Variants in ONECUT3 observed in about 807,000 individuals in gnomAD.
The protein encoded by ONECUT3 is one cut domain family member 3.
Under a neutral mutation model 16.8 loss-of-function variants are expected in ONECUT3, and 11 were observed. The observed-to-expected ratio is 0.66, with a 90% CI of 0.41 to 1.09. The LOEUF (loss-of-function observed/expected upper bound fraction) is 1.09. Among genes scored for constraint, ONECUT3 ranks in the 50% least tolerant of loss-of-function variants. The pLI is 0.00. For synonymous variants in ONECUT3, 344 were observed against 310.7 expected (o/e 1.11, Z -1.13); for missense variants, 637 against 629.9 (o/e 1.01, Z -0.12).
At position 1,775,282 on chromosome 19, in the gene ONECUT3, A is replaced by G. The variant is rs1385409518; in HGVS notation, c.1322A>G (p.Lys441Arg). 1 of 1,604,524 alleles carries G rather than the reference A, an allele frequency of 6.2e-7. No homozygotes were observed. The highest frequency in any genetic ancestry group is 8.5e-7 in the Non-Finnish European group (1 of 1,175,356). ...TTCAAGGAGAACAAGCGGCCGTCCA[A>G]GGAGATGCAGGTCACCATCTCGCAG... ...AIFKENKRPSKEMQVTISQQL... is the reference protein window; with the variant it reads ...AIFKENKRPSREMQVTISQQL... Residue 441 changes from lysine to arginine, a missense_variant, in exon 2 of 2, where the codon AAG becomes AGG. This residue lies in a region of ONECUT3 where 183 missense variants were observed against 188.3 expected (regional missense o/e 0.97). Coordinates refer to ENST00000382349, the MANE Select transcript of ONECUT3 (RefSeq NM_001080488.2).
At chr19:1,769,213 A>G (rs1275219007) in intron 1 of ONECUT3, among the ~76,000 whole-genome samples, 1 of 119,388 alleles carries the variant, frequency 8.4e-6, no homozygotes. Context: ...TGGTGAAGGA[A>G]GAGGTGATGA....
intron 1 of ONECUT3, among the ~76,000 whole-genome samples, chr19:1,757,142 G>A (rs963841436): frequency 1.4e-5 from 2 of 147,862 alleles, no homozygotes; most frequent in Non-Finnish European, 3.0e-5. Flanking sequence ...TGGGGGGGGG[G>A]TGGGCTCCCC....
At position 1,768,877 on chromosome 19, in the gene ONECUT3, AGAGGTGGAGGTGGTG is replaced by A. The variant is rs1209630135; in HGVS notation, c.1193-6239_1193-6225del. 2.0e-3 allele frequency among the ~76,000 whole-genome samples: 198 copies of A among 100,314 alleles called. 2 individuals carry two copies. Among genetic ancestry groups the A allele is most frequent in the East Asian group, 2.8e-3 (7 of 2,518 alleles). The allele number at this position is 100,314 out of a possible 152,430, so 65.8% of individuals were successfully genotyped here. On this transcript the variant is annotated intron_variant, in intron 1 of 1. Transcript: ENST00000382349. ...AGACGATGGAGGAGGTGGCGGAGGT[AGAGGTGGAGGTGGTG>A]GAGGTGGAGGTGGTGGAGGTGGAGG... is the stretch of plus-strand genomic sequence containing the variant.
chr19:1,754,457 A>G lies in ONECUT3; in HGVS notation c.795A>G (p.Gly265=). Reference sequence around the variant, plus strand: ...ACGCACTGGCCCGCGGGCTGCCCGGAGGCGGCGGCGGCACAGGCAGCGGCG... The same window carrying G: ...ACGCACTGGCCCGCGGGCTGCCCGGGGGCGGCGGCGGCACAGGCAGCGGCG... ...AEDALARGLP[G]GGGGTGSGGA... The change falls in exon 1 of 2, where the codon GGA becomes GGG. Residue 265 remains glycine (G), a synonymous_variant. Coordinates refer to ENST00000382349, the MANE Select transcript of ONECUT3 (RefSeq NM_001080488.2). This position sits in a 1 kb window ranked among gnomAD's most constrained non-coding sequence, Gnocchi z 7.4. The G allele has an allele frequency of 1.0e-6, 1 of 986,294 alleles. No homozygotes were observed. Among genetic ancestry groups the G allele is most frequent in the Non-Finnish European group, 1.2e-6 (1 of 832,526 alleles). The allele number at this position is 986,294 out of a possible 1,614,324, so 61.1% of individuals were successfully genotyped here. A position where few individuals can be genotyped will look rare whatever the true frequency, so the allele number is the denominator to read the frequency against.
rs1691189828 is a variant in ONECUT3 at position 1,759,485 on chromosome 19, A to C, written c.1192+4631A>C. 1.3e-5 allele frequency among the ~76,000 whole-genome samples: 2 copies of C among 150,858 alleles called. No individual in the cohort carries two copies. Among genetic ancestry groups the C allele is most frequent in the Admixed American group, 1.3e-4 (2 of 15,168 alleles). ...AAGGGGAGGGATGAGCAGGGAGAGG[A>C]GGAGGAGGAGGAGAGGGAAGGGAGG... On this transcript the variant is annotated intron_variant, in intron 1 of 1. Transcript: ENST00000382349. The surrounding 1 kb of genome is among the most constrained non-coding windows in gnomAD (Gnocchi z 4.1).
At chr19:1,763,219 C>T (rs140760089) in intron 1 of ONECUT3, among the ~76,000 whole-genome samples, 4,405 of 151,756 alleles carry the variant, frequency 0.029, 217 homozygotes, top group African/African-American at 0.1. Context: ...CAAAAATTAG[C>T]CGGGCGTGGT....
rs561768747 is a variant in ONECUT3 at position 1,762,254 on chromosome 19, A to ACCCTCCTG, written c.1192+7424_1192+7431dup. Among the ~76,000 whole-genome samples, 66 of 151,780 alleles carry ACCCTCCTG rather than the reference A, an allele frequency of 4.3e-4. No individual in the cohort carries two copies. Among genetic ancestry groups the ACCCTCCTG allele is most frequent in the African/African-American group, 9.7e-4 (40 of 41,388 alleles). ...CCCAGCTGCGCCCGCCAGCCCTCCA[A>ACCCTCCTG]CCCTCCTGCCCTCCTGCCCTCCTGC... On this transcript the variant is annotated intron_variant, in intron 1 of 1. Coordinates refer to ENST00000382349, the MANE Select transcript of ONECUT3 (RefSeq NM_001080488.2). This position sits in a 1 kb window ranked among gnomAD's most constrained non-coding sequence, Gnocchi z 4.4.
At chr19:1,770,131 G>T (rs1467749561) in intron 1 of ONECUT3, among the ~76,000 whole-genome samples, 2 of 152,182 alleles carry the variant, frequency 1.3e-5, no homozygotes, top group African/African-American at 4.8e-5. Flanking sequence ...TGTGATTCAT[G>T]CCTGTAACCC....
chr19:1,765,682 C>T (rs1475456400), intron 1 of ONECUT3, among the ~76,000 whole-genome samples: 2 of 152,190 alleles, frequency 1.3e-5, no homozygotes, highest in Non-Finnish European at 1.5e-5. Context: ...CTCGGGACTG[C>T]GGCCCGGTGG....
rs752937572 is a variant in ONECUT3, at chr19:1,754,219, G to A, written c.557G>A (p.Gly186Glu). ...CTCGCCTCCGTGGGCCACCTCTACGGACCCTACGGCAAGGAGCTGCCCGCC... is the reference window on the plus strand; with the variant it reads ...CTCGCCTCCGTGGGCCACCTCTACGAACCCTACGGCAAGGAGCTGCCCGCC... Reference protein sequence around the residue: ...AALASVGHLYGPYGKELPAMG... With the variant: ...AALASVGHLYEPYGKELPAMG... The change falls in exon 1 of 2, where the codon GGA (glycine) becomes GAA (glutamate). Residue 186 changes from glycine to glutamate, a missense_variant. By Grantham distance (98) the Gly-to-Glu change is moderately conservative (BLOSUM62 -2). Around this residue, in one of 3 missense-constraint regions of ONECUT3, gnomAD observed 419 missense variants for 377.9 expected, o/e 1.11. Transcript: ENST00000382349. The surrounding 1 kb of genome is among the most constrained non-coding windows in gnomAD (Gnocchi z 7.4). The A allele has an allele frequency of 1.1e-5, 12 of 1,135,700 alleles. No homozygotes were observed. The South Asian group carries it at 2.5e-4, about 24-fold the overall frequency. The allele number at this position is 1,135,700 out of a possible 1,614,324, so 70.4% of individuals were successfully genotyped here.
chr19:1,760,148 A>C (rs1452290257), intron 1 of ONECUT3, among the ~76,000 whole-genome samples: 1 of 152,216 alleles, frequency 6.6e-6, no homozygotes, highest in Non-Finnish European at 1.5e-5. Flanking sequence ...CCCACCCTAC[A>C]GACCAGCAAG....
Position 1,754,446 on chromosome 19 carries a change from G to C in ONECUT3, c.784G>C (p.Gly262Arg). 2.0e-6 allele frequency: 2 copies of C among 994,498 alleles called. No individual in the cohort carries two copies. The highest frequency in any genetic ancestry group is 2.4e-6 in the Non-Finnish European group (2 of 838,144). The allele number at this position is 994,498 out of a possible 1,614,324, so 61.6% of individuals were successfully genotyped here. A position where few individuals can be genotyped will look rare whatever the true frequency, so the allele number is the denominator to read the frequency against. ...ACGCGCGGAGGACGCACTGGCCCGC[G>C]GGCTGCCCGGAGGCGGCGGCGGCAC... ...LGRAEDALARGLPGGGGGTGS... is the reference protein window; with the variant it reads ...LGRAEDALARRLPGGGGGTGS... Residue 262 changes from glycine to arginine, a missense_variant, in exon 1 of 2, where the codon GGG becomes CGG. Transcript: ENST00000382349. The surrounding 1 kb of genome is among the most constrained non-coding windows in gnomAD (Gnocchi z 7.4).
In ONECUT3 at chr19:1,778,866, TCACACACACACACACACACACA is replaced by T. The variant is rs60843841; in HGVS notation, c.*3447_*3468del. ...TGGATCCTTTTCAGATATCTTCGTA[TCACACACACACACACACACACA>T]CACACACACACACACACACACACAC... On this transcript the variant is annotated 3_prime_UTR_variant, in exon 2 of 2. Coordinates refer to ENST00000382349, the MANE Select transcript of ONECUT3 (RefSeq NM_001080488.2). 4.5e-5 allele frequency: 6 copies of T among 132,458 alleles called. No individual in the cohort carries two copies. The highest frequency in any genetic ancestry group is 9.5e-5 in the Non-Finnish European group (6 of 63,348). 8.2% of individuals were successfully genotyped at this position (132,458 alleles called of 1,614,324 possible).
intron 1 of ONECUT3, among the ~76,000 whole-genome samples, chr19:1,768,727 A>G (rs549938867): frequency 6.6e-6 from 1 of 152,108 alleles, no homozygotes; most frequent in South Asian, 2.1e-4. Flanking sequence ...TGATGAGGAT[A>G]ATGAAGGAAA....
At chr19:1,771,286 T>C (rs541016098) in intron 1 of ONECUT3, among the ~76,000 whole-genome samples, 127 of 152,236 alleles carry the variant, frequency 8.3e-4, no homozygotes, top group African/African-American at 2.9e-3. Flanking sequence ...CTAGGTTGGA[T>C]CACATTTTCT....
At chr19:1,760,662 G>T (rs907092457) in intron 1 of ONECUT3, among the ~76,000 whole-genome samples, 1 of 151,888 alleles carries the variant, frequency 6.6e-6, no homozygotes, top group African/African-American at 2.4e-5. Flanking sequence ...GGGCGGTGGG[G>T]GGGGGCCAGG....
In ONECUT3 at chr19:1,776,796, G is replaced by GC. The variant is rs1172195769; in HGVS notation, c.*1357dup. On this transcript the variant is annotated 3_prime_UTR_variant, in exon 2 of 2. Transcript: ENST00000382349. This position sits in a 1 kb window ranked among gnomAD's most constrained non-coding sequence, Gnocchi z 4.9. ...TCGGCTGCCTCCCAGGGAGGAGGCG[G>GC]CCCCCCTACCCCCCTTGAAAATGCA... 2.0e-5 allele frequency: 3 copies of GC among 151,402 alleles called. No individual in the cohort carries two copies. Among genetic ancestry groups the GC allele is most frequent in the Non-Finnish European group, 4.4e-5 (3 of 67,850 alleles). 9.4% of individuals were successfully genotyped at this position (151,402 alleles called of 1,614,324 possible).
At chr19:1,765,278 C>T (rs1295644725) in intron 1 of ONECUT3, among the ~76,000 whole-genome samples, 5 of 152,186 alleles carry the variant, frequency 3.3e-5, no homozygotes, top group African/African-American at 4.8e-5. Flanking sequence ...TCTCTCCTGC[C>T]GTGCCGCCCC....
chr19:1,770,360 C>G (rs1324656908), intron 1 of ONECUT3, among the ~76,000 whole-genome samples: 2 of 152,132 alleles, frequency 1.3e-5, no homozygotes, highest in East Asian at 3.9e-4. Context: ...TTGCTTGAGC[C>G]CAGGAGTTCA....
Sources: allele counts gnomAD v4.1 joint callset (sites outside exome capture counted in the v4.1 genomes callset), GRCh38; gene constraint gnomAD v4.1.1; regional missense constraint gnomAD v4.1.1; non-coding constraint Gnocchi (gnomAD v3.1); transcripts MANE v1.5; gene names NCBI Gene and HGNC (gene_info 2026-07-23, HGNC 2026-07-21).